ASXL3: variants seen among roughly 807,000 people sequenced by gnomAD.
The protein encoded by ASXL3 is ASXL transcriptional regulator 3, also known as putative Polycomb group protein ASXL3.
ASXL3 carries 34 observed loss-of-function variants against 170.6 expected under a neutral mutation model. That is an observed-to-expected ratio of 0.20 (90% CI 0.15 to 0.27). The LOEUF (loss-of-function observed/expected upper bound fraction) is 0.27, where lower values mean the gene tolerates loss of function less well. Ranked by LOEUF, ASXL3 falls within the 10% of genes least tolerant of loss-of-function variation. ASXL3 has a pLI of 1.00. For missense variants in ASXL3, 2,592 were observed against 2,695.3 expected (o/e 0.96, Z 0.85); for synonymous variants, 1,002 against 989.1 (o/e 1.01, Z -0.24).
chr18:33,599,928 GA>G (rs1483911671), intron 1 of ASXL3, among the ~76,000 whole-genome samples: 1 of 151,928 alleles, frequency 6.6e-6, no homozygotes, highest in African/African-American at 2.4e-5. Flanking sequence ...GGTGGCTGCT[GA>G]AAAAAAGCAC....
intron 8 of ASXL3, among the ~76,000 whole-genome samples, chr18:33,700,644 A>G (rs566601186): frequency 6.6e-6 from 1 of 152,230 alleles, no homozygotes; most frequent in South Asian, 2.1e-4. Flanking sequence ...ACATCAGGCT[A>G]CCTTAGAGAG....
At chr18:33,717,637 G>T (rs1270282938) in intron 8 of ASXL3, among the ~76,000 whole-genome samples, 1 of 152,070 alleles carries the variant, frequency 6.6e-6, no homozygotes, top group East Asian at 1.9e-4. Context: ...ACTGTGACTT[G>T]TTGGGTTACT....
chr18:33,590,249 A>G (rs936736687), intron 1 of ASXL3, among the ~76,000 whole-genome samples: 4 of 151,884 alleles, frequency 2.6e-5, no homozygotes. Flanking sequence ...GACAGCCTAA[A>G]GACAATCTCA....
chr18:33,736,917 A>ATATT (rs1214821225), intron 10 of ASXL3, among the ~76,000 whole-genome samples: 53 of 152,296 alleles, frequency 3.5e-4, no homozygotes, highest in African/African-American at 1.3e-3. Context: ...ACCTATATGT[A>ATATT]TATTTAATAA....
intron 8 of ASXL3, among the ~76,000 whole-genome samples, chr18:33,707,346 A>G (rs1474530186): frequency 1.3e-5 from 2 of 151,964 alleles, no homozygotes; most frequent in South Asian, 2.1e-4. Flanking sequence ...CTTCCAATCC[A>G]TGACCATAAC....
intron 9 of ASXL3, among the ~76,000 whole-genome samples, chr18:33,733,008 A>T (rs1311125547): frequency 6.6e-6 from 1 of 152,102 alleles, no homozygotes; most frequent in African/African-American, 2.4e-5. Context: ...AACAGATTAT[A>T]AATTATTTTT....
intron 2 of ASXL3, among the ~76,000 whole-genome samples, chr18:33,630,838 A>G (rs1360425614): frequency 6.6e-6 from 1 of 152,014 alleles, no homozygotes; most frequent in Non-Finnish European, 1.5e-5. Flanking sequence ...TTCAACATGT[A>G]ATATGCTTTT....
intron 8 of ASXL3, among the ~76,000 whole-genome samples, chr18:33,724,189 GATA>G (rs1180560669): frequency 1.3e-5 from 2 of 150,196 alleles, no homozygotes; most frequent in African/African-American, 5.0e-5. Context: ...CATATGACTA[GATA>G]GAGTCTTGAT....
At chr18:33,724,347 A>G (rs1297201088) in intron 8 of ASXL3, among the ~76,000 whole-genome samples, 2 of 152,072 alleles carry the variant, frequency 1.3e-5, no homozygotes, top group Admixed American at 1.3e-4. Context: ...ATCATCTTTA[A>G]TATTTTGTCA....
chr18:33,668,329 G>A (rs1346199367), intron 5 of ASXL3, among the ~76,000 whole-genome samples: 2 of 151,630 alleles, frequency 1.3e-5, no homozygotes, highest in East Asian at 3.9e-4. Flanking sequence ...TTAGGAGGAT[G>A]AGGTGGGAGG....
intron 1 of ASXL3, among the ~76,000 whole-genome samples, chr18:33,584,811 T>A (rs2065022564): frequency 6.6e-6 from 1 of 152,138 alleles, no homozygotes; most frequent in African/African-American, 2.4e-5. Flanking sequence ...TGGGACAATA[T>A]ATATGTATGT....
At chr18:33,596,030 T>C (rs753660700) in intron 1 of ASXL3, among the ~76,000 whole-genome samples, 2 of 152,130 alleles carry the variant, frequency 1.3e-5, no homozygotes, top group Non-Finnish European at 2.9e-5. Flanking sequence ...TTGTCTTCTT[T>C]TTTTTTTCAT....
intron 2 of ASXL3, chr18:33,609,028 G>A: frequency 2.0e-6 from 2 of 984,726 alleles, no homozygotes; most frequent in Non-Finnish European, 2.4e-6. Context: ...ACCACGCTGT[G>A]TTTGTGCTAG....
At chr18:33,602,770 A>G (rs1426682179) in intron 1 of ASXL3, among the ~76,000 whole-genome samples, 1 of 150,790 alleles carries the variant, frequency 6.6e-6, no homozygotes, top group Non-Finnish European at 1.5e-5. Flanking sequence ...TGTTAATAAT[A>G]CTTCTCTATG....
Position 33,738,889 on chromosome 18 carries a change from T to C in ASXL3, c.1485T>C (p.Pro495=). ...ATGAAGAACCCCAAATAGCACCTCC[T>C]GAAGATAACTTGGAATCCTGTGTTA... is the stretch of plus-strand genomic sequence containing the variant. The part of the protein sequence containing the change: ...NSHEEPQIAP[P]EDNLESCVMM... The change falls in exon 11 of 12, where the codon CCT becomes CCC. Residue 495 remains proline (P), a synonymous_variant. Transcript: ENST00000269197. The C allele has an allele frequency of 3.1e-6, 5 of 1,613,616 alleles. No homozygotes were observed. Among genetic ancestry groups the C allele is most frequent in the Non-Finnish European group, 4.2e-6 (5 of 1,179,756 alleles).
At chr18:33,633,563 G>A (rs948587682) in intron 2 of ASXL3, among the ~76,000 whole-genome samples, 4 of 151,934 alleles carry the variant, frequency 2.6e-5, no homozygotes, top group East Asian at 1.9e-4. Context: ...AAAAATTCAC[G>A]CATGGCGCGG....
At chr18:33,626,571 G>A (rs560613857) in intron 2 of ASXL3, 2 of 150,858 alleles carry the variant, frequency 1.3e-5, no homozygotes, top group Non-Finnish European at 3.0e-5. Flanking sequence ...TGTCCACCCT[G>A]TTTAGAAGAT....
intron 8 of ASXL3, among the ~76,000 whole-genome samples, chr18:33,712,574 G>A (rs1167115826): frequency 6.6e-6 from 1 of 152,158 alleles, no homozygotes; most frequent in African/African-American, 2.4e-5. Context: ...AAGCTCCTCT[G>A]ATGATTTTGA....
At chr18:33,646,880 C>CCG (rs565722384) in intron 4 of ASXL3, among the ~76,000 whole-genome samples, 1 of 43,914 alleles carries the variant, frequency 2.3e-5, no homozygotes, top group African/African-American at 1.0e-4. Context: ...TAAGGGGGAG[C>CCG]GGGGGGGGGG....
Sources: gnomAD v4.1 joint callset for allele counts (sites outside exome capture counted in the v4.1 genomes callset) on GRCh38, gnomAD v4.1.1 for gene constraint, MANE v1.5 for transcripts, NCBI Gene and HGNC (gene_info 2026-07-23, HGNC 2026-07-21) for gene names.